Variants in COL5A2 observed in about 807,000 individuals in gnomAD.
The protein encoded by COL5A2 is collagen type V alpha 2 chain.
Under a neutral mutation model 208.2 loss-of-function variants are expected in COL5A2, and 23 were observed. The ratio of observed to expected loss-of-function variants is 0.11; its 90% CI spans 0.08 to 0.16. The LOEUF (loss-of-function observed/expected upper bound fraction) is 0.16, where lower values mean the gene tolerates loss of function less well. Ranked by LOEUF, COL5A2 falls within the 10% of genes least tolerant of loss-of-function variation. COL5A2 has a pLI of 1.00. For synonymous variants in COL5A2, 625 were observed against 628.5 expected (o/e 0.99, Z 0.08); for missense variants, 1,590 against 1,956.4 (o/e 0.81, Z 3.53).
chr2:189,296,644 C>T, the COL5A2 span, among the ~76,000 whole-genome samples: 1 of 152,154 alleles, frequency 6.6e-6, no homozygotes, highest in Non-Finnish European at 1.5e-5. Context: ...ATGTAAATCC[C>T]TTATTCCTGG....
the COL5A2 span, among the ~76,000 whole-genome samples, chr2:189,310,913 G>A: frequency 2.0e-5 from 3 of 152,008 alleles, no homozygotes; most frequent in African/African-American, 7.2e-5. Context: ...TAAAAGGATG[G>A]TTACCAGGGG....
chr2:189,103,021 C>T (rs1431884057), intron 3 of COL5A2, among the ~76,000 whole-genome samples: 1 of 152,012 alleles, frequency 6.6e-6, no homozygotes, highest in East Asian at 1.9e-4. Flanking sequence ...CTCTCTAAGT[C>T]GGGTAACTGC....
Position 189,223,224 on chromosome 2 carries a change from C to A in COL5A2, c.-42+1924G>T, listed in dbSNP as rs578230010. ...AATGAAGCCATTATGGAAAAGCCAGCTTTTCATCCAAATTTAACATTTTTT... is the reference window on the plus strand; with the variant it reads ...AATGAAGCCATTATGGAAAAGCCAGATTTTCATCCAAATTTAACATTTTTT... On this transcript the variant is annotated intron_variant, in intron 1 of 10. Coordinates refer to the COL5A2 transcript ENST00000649966. Among the ~76,000 whole-genome samples the A allele has an allele frequency of 2.3e-4, 35 of 152,260 alleles. 1 individual carries two copies. The highest frequency in any genetic ancestry group is 8.4e-4 in the African/African-American group (35 of 41,562).
intron 1 of COL5A2, among the ~76,000 whole-genome samples, chr2:189,129,780 A>C (rs888362811): frequency 1.3e-4 from 20 of 152,186 alleles, no homozygotes; most frequent in African/African-American, 4.8e-4. Flanking sequence ...CATATTATGC[A>C]GCTACATTAA....
At chr2:189,034,833 C>A (rs1458176325) in intron 53 of COL5A2, 83 bp downstream of exon 53, 2 of 1,552,116 alleles carry the variant, frequency 1.3e-6, no homozygotes, top group Non-Finnish European at 1.8e-6. Flanking sequence ...AAAATTGCCC[C>A]CAGTTCTAGT....
chr2:189,050,597 C>T lies in COL5A2; in HGVS notation c.3011G>A (p.Arg1004Lys), dbSNP rs374721412. 3.9e-6 allele frequency: 6 copies of T among 1,552,034 alleles called. No homozygotes were observed. Among genetic ancestry groups the T allele is most frequent in the East Asian group, 4.9e-5 (2 of 40,930 alleles). The change falls in exon 43 of 54, where the codon AGA (arginine) becomes AAA (lysine). Residue 1004 changes from arginine (R) to lysine (K), a missense_variant. Transcript: ENST00000374866. ...IVGMPGQRGE[R>K]GMPGLPGPAG... ...TGGGCCTGGTAGGCCGGGCATGCCT[C>T]TCTCTCCACGTTGCCCAGGCATGCC...
the COL5A2 span, among the ~76,000 whole-genome samples, chr2:189,439,853 T>C: frequency 6.6e-6 from 1 of 152,340 alleles, no homozygotes; most frequent in East Asian, 1.9e-4. Flanking sequence ...AAAATATTTA[T>C]TTTGTTTCTT....
chr2:189,072,214 A>C, intron 17 of COL5A2, 121 bp from the exon 18 acceptor site: 2 of 689,794 alleles, frequency 2.9e-6, no homozygotes, highest in Non-Finnish European at 2.6e-6. Flanking sequence ...CTTTCACTTT[A>C]AAATTACAAA....
At chr2:189,186,428 T>C (rs1363827951) in intron 1 of COL5A2, among the ~76,000 whole-genome samples, 1 of 152,196 alleles carries the variant, frequency 6.6e-6, no homozygotes, top group Non-Finnish European at 1.5e-5. Context: ...ACTTACTATG[T>C]CAAATACTGT....
chr2:189,064,903 G>T, intron 24 of COL5A2, 101 bp downstream of exon 24: 1 of 1,139,434 alleles, frequency 8.8e-7, no homozygotes, highest in Non-Finnish European at 1.3e-6. Flanking sequence ...CTCCTTTCTG[G>T]ATCTGAGCCC....
rs1029327670 is a variant in COL5A2 at position 189,045,086 on chromosome 2, A to G, written c.3363+93T>C. On this transcript the variant is annotated intron_variant, in intron 47 of 53. Coordinates refer to ENST00000374866, the MANE Select transcript of COL5A2 (RefSeq NM_000393.5). ...TTTTTGTTCAAGCTTGAGGAATTTC[A>G]TATTTTTCAGTTATGAATCTTAAAT... 3.0e-5 allele frequency: 24 copies of G among 813,324 alleles called. No homozygotes were observed. The African/African-American group carries it at 4.0e-4, about 14-fold the overall frequency. 50.4% of individuals were successfully genotyped at this position (813,324 alleles called of 1,614,324 possible). A position where few individuals can be genotyped will look rare whatever the true frequency, so the allele number is the denominator to read the frequency against.
At chr2:189,311,432 TC>T in the COL5A2 span, 1 of 1,139,160 alleles carries the variant, frequency 8.8e-7, no homozygotes, top group Non-Finnish European at 1.3e-6. Flanking sequence ...GATCTCAGCC[TC>T]CAGCTTGACC....
the COL5A2 span, among the ~76,000 whole-genome samples, chr2:189,361,307 T>A: frequency 0.036 from 5,538 of 152,288 alleles, 118 homozygotes; most frequent in Admixed American, 0.05. Context: ...GGTGCATATA[T>A]ATTTATGATT....
chr2:189,033,274 T>C lies in COL5A2; in HGVS notation c.*796A>G, dbSNP rs1576482144. ...CTTCTTAAATAAGAAAGTGTAAATG[T>C]ATTAAATGGTATATACTAGTGTGAC... On this transcript the variant is annotated 3_prime_UTR_variant, in exon 54 of 54. Transcript: ENST00000374866. 1 of 152,620 alleles carries C rather than the reference T, an allele frequency of 6.6e-6. No homozygotes were observed. Among genetic ancestry groups the C allele is most frequent in the African/African-American group, 2.4e-5 (1 of 41,464 alleles). 9.5% of individuals were successfully genotyped at this position (152,620 alleles called of 1,614,324 possible).
chr2:189,357,237 T>C, the COL5A2 span, among the ~76,000 whole-genome samples: 2 of 152,202 alleles, frequency 1.3e-5, no homozygotes, highest in Non-Finnish European at 1.5e-5. Flanking sequence ...GGAGCCACTC[T>C]GACCCTTATC....
intron 1 of COL5A2, among the ~76,000 whole-genome samples, chr2:189,151,492 C>T (rs761291081): frequency 1.2e-4 from 19 of 152,012 alleles, no homozygotes; most frequent in African/African-American, 2.4e-4. Context: ...ACATACATGA[C>T]GGTAAATGTT....
intron 6 of COL5A2, among the ~76,000 whole-genome samples, chr2:189,096,853 G>C (rs1464569972): frequency 6.6e-6 from 1 of 152,136 alleles, no homozygotes; most frequent in Non-Finnish European, 1.5e-5. Context: ...AGTGGCTGCT[G>C]AGTGAAAAAG....
chr2:189,048,202 C>A lies in COL5A2; in HGVS notation c.3201+7G>T, dbSNP rs754517634. ...TTAGATTTTATAATAAGTGAAATGG[C>A]TCTTACACGTTCTCCAACAGCACCA... On this transcript the variant is annotated splice_region_variant and intron_variant, in intron 45 of 53. Transcript: ENST00000374866. The A allele has an allele frequency of 6.2e-7, 1 of 1,612,872 alleles. No homozygotes were observed. Among genetic ancestry groups the A allele is most frequent in the Non-Finnish European group, 8.5e-7 (1 of 1,178,916 alleles).
chr2:189,041,052 G>T (rs968047475), intron 50 of COL5A2, among the ~76,000 whole-genome samples: 1 of 152,204 alleles, frequency 6.6e-6, no homozygotes, highest in Non-Finnish European at 1.5e-5. Flanking sequence ...GTGCATGGAA[G>T]ATGTATGAAG....
Sources: gnomAD v4.1 joint callset for allele counts (sites outside exome capture counted in the v4.1 genomes callset) on GRCh38, gnomAD v4.1.1 for gene constraint, MANE v1.5 for transcripts, NCBI Gene and HGNC (gene_info 2026-07-23, HGNC 2026-07-21) for gene names.